Variants in ANKH observed in about 807,000 individuals in gnomAD.
ANKH encodes mineralization regulator ANKH.
A neutral mutation model predicts 49.0 loss-of-function variants in ANKH; 15 were observed. That is an observed-to-expected ratio of 0.31 (90% CI 0.20 to 0.47). ANKH has a LOEUF of 0.47. Ranked by LOEUF, ANKH falls within the 20% of genes least tolerant of loss-of-function variation. The pLI, the probability that ANKH is intolerant of heterozygous loss-of-function variation, is 1.00. For missense variants in ANKH, 429 were observed against 652.0 expected, an observed-to-expected ratio of 0.66 and a Z score of 3.72; for synonymous variants, 273 against 260.0, an observed-to-expected ratio of 1.05 and a Z score of -0.48.
chr5:14,727,309 T>TA (rs940156571), intron 8 of ANKH, among the ~76,000 whole-genome samples: 5 of 152,260 alleles, frequency 3.3e-5, no homozygotes, highest in African/African-American at 9.6e-5. Flanking sequence ...CATCAACTGT[T>TA]ACAGCATATT....
Position 14,758,510 on chromosome 5 carries a change from G to A in ANKH, c.402C>T (p.Tyr134=). Residue 134 remains tyrosine (Y), a synonymous_variant, in exon 3 of 12, where the codon TAC becomes TAT. Transcript: ENST00000284268. ...VGSKTRRAFL[Y]LAAFPFMDAM... is the part of the protein sequence containing the mutation. ...CGTCCATGAAAGGAAAGGCGGCGAG[G>A]TACAGGAAGGCCCTTCTCGTCTTGC... 1.9e-6 allele frequency: 3 copies of A among 1,614,100 alleles called. No individual in the cohort carries two copies. Among genetic ancestry groups the A allele is most frequent in the South Asian group, 1.1e-5 (1 of 91,076 alleles).
intron 9 of ANKH, among the ~76,000 whole-genome samples, chr5:14,715,046 T>C (rs965351360): frequency 4.1e-4 from 63 of 152,226 alleles, no homozygotes; most frequent in Non-Finnish European, 8.8e-4. Flanking sequence ...TCCATTTCTG[T>C]CACAGCCCAG....
chr5:14,737,721 T>G lies in ANKH; in HGVS notation c.1011+4106A>C, dbSNP rs1031948740. ...TCCAAATGGCTTTATGCCACATATA[T>G]TTTTGAAATGTGCTTCCCTTCACCC... is the stretch of plus-strand genomic sequence containing the variant. On this transcript the variant is annotated intron_variant, in intron 8 of 11. Transcript: ENST00000284268. The surrounding 1 kb of genome is among the most constrained non-coding windows in gnomAD (Gnocchi z 5.0). 1.3e-5 allele frequency among the ~76,000 whole-genome samples: 2 copies of G among 152,216 alleles called. No individual in the cohort carries two copies. The highest frequency in any genetic ancestry group is 2.9e-5 in the Non-Finnish European group (2 of 68,026).
At chr5:14,816,441 A>G (rs1016513515) in intron 1 of ANKH, among the ~76,000 whole-genome samples, 2 of 152,176 alleles carry the variant, frequency 1.3e-5, no homozygotes, top group Admixed American at 1.3e-4. Flanking sequence ...CTGATGTAGC[A>G]TCAGAGAGTG....
chr5:14,738,305 G>A (rs1239206924), intron 8 of ANKH, among the ~76,000 whole-genome samples: 1 of 152,192 alleles, frequency 6.6e-6, no homozygotes, highest in Admixed American at 6.5e-5. Context: ...GTCAGGGCCT[G>A]GAAAGGGGGC....
rs1408760304 is a variant in ANKH, at chr5:14,708,491, A to G, written c.*2706T>C. ...ATGTTTCTTTGGTCACAAAAGTCAA[A>G]AAGTTGCCCCAATGACTCTGAAAAG... is the stretch of plus-strand genomic sequence containing the variant. On this transcript the variant is annotated 3_prime_UTR_variant, in exon 12 of 12. Transcript: ENST00000284268. 1 of 152,224 alleles carries G rather than the reference A, an allele frequency of 6.6e-6. No homozygotes were observed. The highest frequency in any genetic ancestry group is 6.5e-5 in the Admixed American group (1 of 15,280). 9.4% of individuals were successfully genotyped at this position (152,224 alleles called of 1,614,324 possible).
At chr5:14,800,238 A>G (rs1369247379) in intron 1 of ANKH, among the ~76,000 whole-genome samples, 1 of 152,230 alleles carries the variant, frequency 6.6e-6, no homozygotes, top group African/African-American at 2.4e-5. Flanking sequence ...TAAGCAAATA[A>G]AGTGTTTGAG....
At chr5:14,829,600 G>A (rs1030319510) in intron 1 of ANKH, among the ~76,000 whole-genome samples, 11 of 152,304 alleles carry the variant, frequency 7.2e-5, no homozygotes, top group Admixed American at 3.9e-4. Flanking sequence ...AGAAATGCCT[G>A]ACATATGATC....
chr5:14,763,997 G>A (rs1019540722), intron 2 of ANKH, among the ~76,000 whole-genome samples: 2 of 152,134 alleles, frequency 1.3e-5, no homozygotes, highest in East Asian at 3.9e-4. Flanking sequence ...GCTGAGGCAG[G>A]AGAATGCCTG....
chr5:14,812,212 C>A (rs116458258), intron 1 of ANKH, among the ~76,000 whole-genome samples: 2,097 of 150,300 alleles, frequency 0.014, 44 homozygotes, highest in African/African-American at 0.049. Context: ...TTAATGCTTT[C>A]TCAAATTAAA....
At chr5:14,804,421 C>A (rs1740645694) in intron 1 of ANKH, among the ~76,000 whole-genome samples, 1 of 152,198 alleles carries the variant, frequency 6.6e-6, no homozygotes, top group Non-Finnish European at 1.5e-5. Context: ...TTCCTTTGTG[C>A]TCCCTGCACC....
intron 1 of ANKH, among the ~76,000 whole-genome samples, chr5:14,866,900 G>C (rs750219435): frequency 1.3e-5 from 2 of 152,056 alleles, no homozygotes; most frequent in African/African-American, 2.4e-5. Context: ...GGCCAGATGT[G>C]GTGGCTCACG....
intron 1 of ANKH, among the ~76,000 whole-genome samples, chr5:14,842,546 C>T (rs1388091284): frequency 6.6e-6 from 1 of 152,154 alleles, no homozygotes; most frequent in Non-Finnish European, 1.5e-5. Context: ...TCTTCTATAG[C>T]CTTCCTTAGG....
intron 1 of ANKH, among the ~76,000 whole-genome samples, chr5:14,791,762 C>T (rs553040614): frequency 6.6e-6 from 1 of 152,158 alleles, no homozygotes; most frequent in African/African-American, 2.4e-5. Context: ...AAAGTCTACC[C>T]CAGCCTCTCC....
At chr5:14,780,737 G>A (rs1739780851) in intron 1 of ANKH, among the ~76,000 whole-genome samples, 1 of 152,120 alleles carries the variant, frequency 6.6e-6, no homozygotes, top group Non-Finnish European at 1.5e-5. Context: ...TCCTAGACTA[G>A]AAAAAACAAT....
intron 1 of ANKH, among the ~76,000 whole-genome samples, chr5:14,834,382 G>A (rs1741594532): frequency 6.6e-6 from 1 of 152,162 alleles, no homozygotes; most frequent in Admixed American, 6.6e-5. Context: ...TACATTCAAG[G>A]TAAGCATGCC....
At chr5:14,720,024 A>G (rs1398519263) in intron 8 of ANKH, among the ~76,000 whole-genome samples, 1 of 152,242 alleles carries the variant, frequency 6.6e-6, no homozygotes, top group African/African-American at 2.4e-5. Context: ...CTAAAATTTT[A>G]GAATATAACA....
chr5:14,744,450 T>C (rs1738461610), intron 7 of ANKH, among the ~76,000 whole-genome samples: 2 of 134,646 alleles, frequency 1.5e-5, no homozygotes, highest in Admixed American at 7.1e-5. Context: ...CACGTGACCA[T>C]GGGTAAGGGA....
At chr5:14,866,950 A>G (rs2126636467) in intron 1 of ANKH, among the ~76,000 whole-genome samples, 1 of 152,232 alleles carries the variant, frequency 6.6e-6, no homozygotes, top group South Asian at 2.1e-4. Flanking sequence ...TGAGCTCAGG[A>G]GTTGAAGACC....
Sources: allele counts gnomAD v4.1 joint callset (sites outside exome capture counted in the v4.1 genomes callset), GRCh38; gene constraint gnomAD v4.1.1; non-coding constraint Gnocchi (gnomAD v3.1); transcripts MANE v1.5; gene names NCBI Gene and HGNC (gene_info 2026-07-23, HGNC 2026-07-21).